The following MDM2 variants were observed in gnomAD, a reference collection of about 807,000 sequenced individuals.
The protein encoded by MDM2 is E3 ubiquitin-protein ligase Mdm2.
Under a neutral mutation model 64.3 loss-of-function variants are expected in MDM2, and 11 were observed. That is an observed-to-expected ratio of 0.17 (90% CI 0.11 to 0.28). MDM2 has a LOEUF of 0.28. Among genes scored for constraint, MDM2 ranks in the 10% least tolerant of loss-of-function variants. The pLI is 1.00. For synonymous variants in MDM2, 194 were observed against 192.9 expected (o/e 1.01, Z -0.05); for missense variants, 388 against 577.1 (o/e 0.67, Z 3.36).
At chr12:68,847,196 T>TTATATATATATAGATATATATATA (rs1884367171), downstream of MDM2, 1 of 92,080 alleles carries the variant, frequency 1.1e-5, no homozygotes, top group Non-Finnish European at 2.1e-5. Flanking sequence ...TGTGTGTACA[T>TTATATATATATAGATATATATATA]TATATATATA....
Position 68,840,106 on chromosome 12 carries a change from G to C in MDM2, c.*257G>C, listed in dbSNP as rs375887953. The stretch of plus-strand genomic sequence containing the variant: ...CTCTGTCTTAAATGAGAAGTACTTG[G>C]TTTTTTTTTTTCTTAAATATGTATA... On this transcript the variant is annotated 3_prime_UTR_variant, in exon 11 of 11. Coordinates refer to ENST00000258149, the MANE Select transcript of MDM2 (RefSeq NM_002392.6). 3.0e-6 allele frequency: 1 copy of C among 335,762 alleles called. No individual in the cohort carries two copies. 20.8% of individuals were successfully genotyped at this position (335,762 alleles called of 1,614,324 possible).
chr12:68,824,683 A>G (rs765593048), intron 7 of MDM2, 32 bp downstream of exon 7: 3 of 1,349,292 alleles, frequency 2.2e-6, no homozygotes, highest in South Asian at 2.5e-5. Flanking sequence ...ACGCATTCAC[A>G]CAGCTTTTTG....
Position 68,840,353 on chromosome 12 carries a change from C to T in MDM2, c.*504C>T, listed in dbSNP as rs1333963563. ...TAGAGACAGGGTTTCACCGTGTTAGCCAGGATGGTCTCGATCTCCTGACCT... is the reference window on the plus strand; with the variant it reads ...TAGAGACAGGGTTTCACCGTGTTAGTCAGGATGGTCTCGATCTCCTGACCT... On this transcript the variant is annotated 3_prime_UTR_variant, in exon 11 of 11. Coordinates refer to ENST00000258149, the MANE Select transcript of MDM2 (RefSeq NM_002392.6). The T allele has an allele frequency of 5.9e-6, 1 of 169,920 alleles. No homozygotes were observed. The highest frequency in any genetic ancestry group is 6.3e-5 in the Admixed American group (1 of 15,796). 10.5% of individuals were successfully genotyped at this position (169,920 alleles called of 1,614,324 possible). A position where few individuals can be genotyped will look rare whatever the true frequency, so the allele number is the denominator to read the frequency against.
intron 8 of MDM2, among the ~76,000 whole-genome samples, chr12:68,834,321 A>G (rs1883135658): frequency 6.6e-6 from 1 of 152,172 alleles, no homozygotes; most frequent in Non-Finnish European, 1.5e-5. Context: ...GGACACCTGT[A>G]ATCTCAGCTA....
chr12:68,827,415 T>C (rs921417843), intron 7 of MDM2, among the ~76,000 whole-genome samples: 1 of 152,188 alleles, frequency 6.6e-6, no homozygotes, highest in African/African-American at 2.4e-5. Context: ...GAAAATACAG[T>C]CTATCTTGAT....
chr12:68,820,861 A>G (rs1168918785), intron 5 of MDM2, among the ~76,000 whole-genome samples: 1 of 152,180 alleles, frequency 6.6e-6, no homozygotes, highest in African/African-American at 2.4e-5. Flanking sequence ...ATAAGCTGAT[A>G]AAAGCATTGG....
At chr12:68,811,993 G>A (rs1367694714) in intron 2 of MDM2, among the ~76,000 whole-genome samples, 1 of 152,072 alleles carries the variant, frequency 6.6e-6, no homozygotes, top group Non-Finnish European at 1.5e-5. Context: ...TGATCTGCCT[G>A]CCTCGGCCTC....
chr12:68,808,243 A>G lies in MDM2; in HGVS notation c.-235A>G, dbSNP rs1428814460. On this transcript the variant is annotated 5_prime_UTR_variant, in exon 1 of 11. Transcript: ENST00000258149. ...GGGCCTGTGTGGCCCTGTGTGTCGG[A>G]AAGATGGAGCAAGAAGCCGAGCCCG... The G allele has an allele frequency of 3.4e-6, 2 of 586,016 alleles. No individual in the cohort carries two copies. The highest frequency in any genetic ancestry group is 3.1e-5 in the Admixed American group (1 of 32,162). 36.3% of individuals were successfully genotyped at this position (586,016 alleles called of 1,614,324 possible).
chr12:68,843,494 CTG>C lies in MDM2; in HGVS notation c.*3648_*3649del, dbSNP rs1271362872. The C allele has an allele frequency of 4.1e-5, 9 of 222,048 alleles. No individual in the cohort carries two copies. The East Asian group carries it at 5.1e-4, about 13-fold the overall frequency. The allele number at this position is 222,048 out of a possible 1,614,324, so 13.8% of individuals were successfully genotyped here. A position where few individuals can be genotyped will look rare whatever the true frequency, so the allele number is the denominator to read the frequency against. Reference sequence around the variant, plus strand: ...ATTTCTAATATAAGTATCTCTCAAACTGTGGATTAACTTCTTGATTTATATTT... The same window carrying C: ...ATTTCTAATATAAGTATCTCTCAAACTGGATTAACTTCTTGATTTATATTT... On this transcript the variant is annotated 3_prime_UTR_variant, in exon 11 of 11. Coordinates refer to ENST00000258149, the MANE Select transcript of MDM2 (RefSeq NM_002392.6).
Position 68,835,959 on chromosome 12 carries a change from A to G in MDM2, c.815A>G (p.Gln272Arg), listed in dbSNP as rs1883277329. 5 of 1,609,594 alleles carry G rather than the reference A, an allele frequency of 3.1e-6. No homozygotes were observed. The highest frequency in any genetic ancestry group is 2.2e-5 in the East Asian group (1 of 44,780). ...SEDYSLSEEG[Q>R]ELSDEDDEVY... ...GATTATAGCCTTAGTGAAGAAGGAC[A>G]AGAACTCTCAGATGAAGATGATGAG... Residue 272 changes from glutamine (Q) to arginine (R), a missense_variant, in exon 9 of 11, where the codon CAA (glutamine) becomes CGA (arginine). This residue lies in a region of MDM2 where 168 missense variants were observed against 236.6 expected (regional missense o/e 0.71). Coordinates refer to ENST00000258149, the MANE Select transcript of MDM2 (RefSeq NM_002392.6).
At position 68,844,697 on chromosome 12, in the gene MDM2, A is replaced by C. The variant is rs1331645023; in HGVS notation, c.*4848A>C. 1 of 221,786 alleles carries C rather than the reference A, an allele frequency of 4.5e-6. No homozygotes were observed. Among genetic ancestry groups the C allele is most frequent in the African/African-American group, 2.2e-5 (1 of 44,676 alleles). The allele number at this position is 221,786 out of a possible 1,614,324, so 13.7% of individuals were successfully genotyped here. On this transcript the variant is annotated 3_prime_UTR_variant, in exon 11 of 11. Coordinates refer to ENST00000258149, the MANE Select transcript of MDM2 (RefSeq NM_002392.6). ...TAAAGCAGGAGCTTGTGGGCCCCTA[A>C]GCCAGACGGGGACTAGCTTTTGGCA...
rs1347318671 is a variant in MDM2 at position 68,839,593 on chromosome 12, G to A, written c.1238G>A (p.Ser413Asn). The change falls in exon 11 of 11, where the codon AGC becomes AAC. Residue 413 changes from serine to asparagine, a missense_variant. Ser to Asn is a conservative substitution (Grantham distance 46). Transcript: ENST00000258149. ...PSTSSSIIYS[S>N]QEDVKEFERE... Reference sequence around the variant, plus strand: ...ACTTCTAGTAGCATTATTTATAGCAGCCAAGAAGATGTGAAAGAGTTTGAA... The same window carrying A: ...ACTTCTAGTAGCATTATTTATAGCAACCAAGAAGATGTGAAAGAGTTTGAA... 3.1e-6 allele frequency: 5 copies of A among 1,613,428 alleles called. No individual in the cohort carries two copies. The highest frequency in any genetic ancestry group is 1.7e-5 in the Admixed American group (1 of 59,806).
In MDM2 at chr12:68,809,257, A is replaced by G. The variant is rs749406013; in HGVS notation, c.64A>G (p.Thr22Ala). Residue 22 changes from threonine to alanine, a missense_variant, in exon 2 of 11, where the codon ACC (threonine) becomes GCC (alanine). This residue lies in a region of MDM2 where 46 missense variants were observed against 45.2 expected (regional missense o/e 1.02). Transcript: ENST00000258149. ...TGTACCTACTGATGGTGCTGTAACC[A>G]CCTCACAGATTCCAGCTTCGGAACA... is the stretch of plus-strand genomic sequence containing the variant. ...MSVPTDGAVT[T>A]SQIPASEQET... 1.2e-6 allele frequency: 2 copies of G among 1,614,046 alleles called. No individual in the cohort carries two copies. Among genetic ancestry groups the G allele is most frequent in the South Asian group, 1.1e-5 (1 of 91,070 alleles).
At chr12:68,832,505 A>C (rs1882874383) in intron 8 of MDM2, among the ~76,000 whole-genome samples, 1 of 152,016 alleles carries the variant, frequency 6.6e-6, no homozygotes, top group South Asian at 2.1e-4. Context: ...CTGATGCTTA[A>C]AAAAATATAT....
intron 8 of MDM2, among the ~76,000 whole-genome samples, chr12:68,830,477 A>G (rs1360211649): frequency 6.6e-6 from 1 of 152,350 alleles, no homozygotes; most frequent in African/African-American, 2.4e-5. Context: ...AGTTTATACC[A>G]AATTCCATAC....
chr12:68,839,769 A>C lies in MDM2; in HGVS notation c.1414A>C (p.Lys472Gln), dbSNP rs1183456367. The change falls in exon 11 of 11, where the codon AAG becomes CAG. Residue 472 changes from lysine to glutamine, a missense_variant. Lys to Gln is a moderately conservative substitution (Grantham distance 53). This residue lies in a region of MDM2 where 12 missense variants were observed against 63.8 expected (regional missense o/e 0.19). Transcript: ENST00000258149. ...TCTTATGGCCTGCTTTACATGTGCA[A>C]AGAAGCTAAAGAAAAGGAATAAGCC... ...GHLMACFTCA[K>Q]KLKKRNKPCP... 1.2e-6 allele frequency: 2 copies of C among 1,614,050 alleles called. No individual in the cohort carries two copies. Among genetic ancestry groups the C allele is most frequent in the Non-Finnish European group, 1.7e-6 (2 of 1,180,038 alleles).
Position 68,808,212 on chromosome 12 carries a change from C to T in MDM2, c.-266C>T, listed in dbSNP as rs1880520253. The T allele has an allele frequency of 3.8e-6, 2 of 529,720 alleles. No homozygotes were observed. The highest frequency in any genetic ancestry group is 3.5e-5 in the East Asian group (1 of 28,918). 32.8% of individuals were successfully genotyped at this position (529,720 alleles called of 1,614,324 possible). A position where few individuals can be genotyped will look rare whatever the true frequency, so the allele number is the denominator to read the frequency against. Reference sequence around the variant, plus strand: ...CGAGGCACCGCGGCGAGCTTGGCTGCTTCTGGGGCCTGTGTGGCCCTGTGT... The same window carrying T: ...CGAGGCACCGCGGCGAGCTTGGCTGTTTCTGGGGCCTGTGTGGCCCTGTGT... On this transcript the variant is annotated 5_prime_UTR_variant, in exon 1 of 11. Coordinates refer to ENST00000258149, the MANE Select transcript of MDM2 (RefSeq NM_002392.6).
rs1479573146 is a variant in MDM2, at chr12:68,840,976, C to G, written c.*1127C>G. ...TCTCCTGCCTCAGCCTTCCAAGTAA[C>G]TGGGATTACAGGCATGTACCACCAT... On this transcript the variant is annotated 3_prime_UTR_variant, in exon 11 of 11. Coordinates refer to ENST00000258149, the MANE Select transcript of MDM2 (RefSeq NM_002392.6). 6.0e-6 allele frequency: 1 copy of G among 166,420 alleles called. No individual in the cohort carries two copies. The highest frequency in any genetic ancestry group is 1.3e-5 in the Non-Finnish European group (1 of 77,714). 10.3% of individuals were successfully genotyped at this position (166,420 alleles called of 1,614,324 possible). A position where few individuals can be genotyped will look rare whatever the true frequency, so the allele number is the denominator to read the frequency against.
intron 3 of MDM2, chr12:68,814,825 G>GAAAT: frequency 6.3e-6 from 1 of 159,198 alleles, no homozygotes; most frequent in Admixed American, 6.4e-5. Flanking sequence ...CAGTGTGATT[G>GAAAT]AAATATGCCT....
Sources: allele counts gnomAD v4.1 joint callset (sites outside exome capture counted in the v4.1 genomes callset), GRCh38; gene constraint gnomAD v4.1.1; regional missense constraint gnomAD v4.1.1; transcripts MANE v1.5; gene names NCBI Gene and HGNC (gene_info 2026-07-23, HGNC 2026-07-21).